Variants in CYRIB observed in about 807,000 individuals in gnomAD.
CYRIB encodes CYFIP related Rac1 interactor B.
In CYRIB, 8 loss-of-function variants were observed where a neutral mutation model predicts 44.2. The ratio of observed to expected loss-of-function variants is 0.18; its 90% confidence interval spans 0.11 to 0.33. CYRIB has a LOEUF of 0.33. Ranked by LOEUF, CYRIB falls within the 10% of genes least tolerant of loss-of-function variation. The pLI, the probability that CYRIB is intolerant of heterozygous loss-of-function variation, is 1.00. For synonymous variants in CYRIB, 131 were observed against 127.2 expected (o/e 1.03, Z -0.20); for missense variants, 185 against 382.8 (o/e 0.48, Z 4.31).
At chr8:129,918,275 G>A (rs761454684) in intron 1 of CYRIB, among the ~76,000 whole-genome samples, 4 of 152,086 alleles carry the variant, frequency 2.6e-5, no homozygotes, top group Non-Finnish European at 4.4e-5. Flanking sequence ...ATAGAAAAGT[G>A]ACCAGATATG....
At chr8:129,939,960 C>A (rs2093534409), upstream of CYRIB, 1 of 152,262 alleles carries the variant, frequency 6.6e-6, no homozygotes, top group African/African-American at 2.4e-5. Context: ...ATCCCCGCCC[C>A]TCCCGAAGGG....
intron 2 of CYRIB, among the ~76,000 whole-genome samples, chr8:129,884,596 G>A (rs1303353211): frequency 1.3e-5 from 2 of 152,128 alleles, no homozygotes; most frequent in Non-Finnish European, 2.9e-5. Context: ...CCGGATTTAA[G>A]ATTTTAAAGC....
intron 2 of CYRIB, chr8:129,890,601 C>G (rs994830082): frequency 6.6e-6 from 1 of 152,148 alleles, no homozygotes; most frequent in African/African-American, 2.4e-5. Flanking sequence ...TGTACCATCA[C>G]TTGAAAGCAG....
chr8:129,882,851 A>G (rs1192682841), intron 2 of CYRIB, among the ~76,000 whole-genome samples: 1 of 152,050 alleles, frequency 6.6e-6, no homozygotes, highest in Non-Finnish European at 1.5e-5. Context: ...TTGCTCTCAT[A>G]AGGATTGAGA....
At chr8:129,942,184 C>T (rs1387271445), upstream of CYRIB, among the ~76,000 whole-genome samples, 1 of 152,050 alleles carries the variant, frequency 6.6e-6, no homozygotes, top group Non-Finnish European at 1.5e-5. Flanking sequence ...ACTAAAAATA[C>T]AAAAATTAGC....
chr8:130,007,522 C>T (rs1409925312), intron 1 of CYRIB, among the ~76,000 whole-genome samples: 2 of 152,226 alleles, frequency 1.3e-5, no homozygotes, highest in Non-Finnish European at 2.9e-5. Flanking sequence ...CAGTGGCTCA[C>T]GCCTGTAATC....
At chr8:129,939,117 G>T (rs1269365746) in intron 1 of CYRIB, among the ~76,000 whole-genome samples, 1 of 152,110 alleles carries the variant, frequency 6.6e-6, no homozygotes. Context: ...GGACCAGGAG[G>T]GCTGGGTGTC....
intron 1 of CYRIB, among the ~76,000 whole-genome samples, chr8:129,914,820 C>T (rs1407367730): frequency 1.3e-5 from 2 of 152,106 alleles, no homozygotes; most frequent in African/African-American, 4.8e-5. Flanking sequence ...TTCCACAGCA[C>T]AAAATGAGAA....
chr8:129,872,936 G>A (rs878912507), intron 3 of CYRIB, among the ~76,000 whole-genome samples: 2 of 151,946 alleles, frequency 1.3e-5, no homozygotes, highest in Admixed American at 1.3e-4. Context: ...GTGAAACTGG[G>A]AGTAAAGATC....
At chr8:130,006,489 A>T (rs372440091) in intron 1 of CYRIB, among the ~76,000 whole-genome samples, 5 of 140,084 alleles carry the variant, frequency 3.6e-5, no homozygotes, top group South Asian at 4.5e-4. Context: ...AAATATATAT[A>T]TATTTATTTA....
At chr8:129,963,833 G>A (rs1047932509) in intron 2 of CYRIB, among the ~76,000 whole-genome samples, 9 of 152,184 alleles carry the variant, frequency 5.9e-5, no homozygotes, top group South Asian at 2.1e-4. Context: ...ATAATGGAAC[G>A]CTCTTAAATA....
chr8:129,873,580 T>C (rs1588159392), intron 3 of CYRIB, among the ~76,000 whole-genome samples: 1 of 152,134 alleles, frequency 6.6e-6, no homozygotes, highest in Non-Finnish European at 1.5e-5. Flanking sequence ...TAGACACGTA[T>C]TTAGTTTGAA....
intron 5 of CYRIB, among the ~76,000 whole-genome samples, chr8:129,859,822 T>A (rs777002381): frequency 3.3e-5 from 5 of 152,254 alleles, no homozygotes; most frequent in Admixed American, 6.5e-5. Flanking sequence ...CTATATCTGG[T>A]ATAACTATTC....
intron 1 of CYRIB, among the ~76,000 whole-genome samples, chr8:129,916,736 C>T (rs1466875796): frequency 2.0e-5 from 3 of 152,194 alleles, no homozygotes; most frequent in African/African-American, 4.8e-5. Flanking sequence ...TACACTGCTA[C>T]TCATTGGCTG....
rs899516091 is a variant in CYRIB at position 129,932,425 on chromosome 8, T to C, written c.-50+7183A>G. Among the ~76,000 whole-genome samples, 5 of 152,274 alleles carry C rather than the reference T, an allele frequency of 3.3e-5. No individual in the cohort carries two copies. In the East Asian group the frequency reaches 7.7e-4, roughly 23 times the overall value. On this transcript the variant is annotated intron_variant, in intron 1 of 11. Transcript: ENST00000519824. ...CCAGAGCAAAGGGCAGGCGTGCTTA[T>C]TGCTCATTAGAAAAGATCTGGGTTC...
At chr8:129,852,358 G>A (rs2043743609) in intron 7 of CYRIB, 80 bp from the exon 10 acceptor site, 1 of 762,558 alleles carries the variant, frequency 1.3e-6, no homozygotes, top group Non-Finnish European at 1.9e-6. Flanking sequence ...CCCAGGCAGG[G>A]TGCCTGCCTC....
intron 2 of CYRIB, among the ~76,000 whole-genome samples, chr8:129,952,237 G>A (rs1472786370): frequency 6.6e-6 from 1 of 152,050 alleles, no homozygotes; most frequent in Non-Finnish European, 1.5e-5. Context: ...TAGAGATGGG[G>A]TTTAGTAGAG....
At chr8:130,010,878 C>A (rs912602041) in intron 1 of CYRIB, among the ~76,000 whole-genome samples, 1 of 152,160 alleles carries the variant, frequency 6.6e-6, no homozygotes, top group Admixed American at 6.6e-5. Context: ...GGCATCGCAT[C>A]ATGTGCAAAA....
intron 1 of CYRIB, among the ~76,000 whole-genome samples, chr8:129,915,565 G>T (rs1193367131): frequency 6.6e-6 from 1 of 152,190 alleles, no homozygotes; most frequent in Admixed American, 6.5e-5. Flanking sequence ...GGCAGGTAGG[G>T]TGGATAGATT....
Sources: gnomAD v4.1 joint callset for allele counts (sites outside exome capture counted in the v4.1 genomes callset) on GRCh38, gnomAD v4.1.1 for gene constraint, MANE v1.5 for transcripts, NCBI Gene and HGNC (gene_info 2026-07-23, HGNC 2026-07-21) for gene names.